The following LIMK2 variants were observed in gnomAD, a reference collection of about 807,000 sequenced individuals.
The protein encoded by LIMK2 is LIM domain kinase 2.
LIMK2 carries 35 observed loss-of-function variants against 75.7 expected under a neutral mutation model. That is an observed-to-expected ratio of 0.46 (90% CI 0.35 to 0.61). The LOEUF is 0.61. LIMK2 is among the 20% of genes least tolerant of loss of function. The pLI is 0.00. For missense variants in LIMK2, 623 were observed against 831.0 expected (o/e 0.75, Z 3.08); for synonymous variants, 301 against 319.2 (o/e 0.94, Z 0.61).
At chr22:31,256,287 G>A (rs1176265064) in intron 2 of LIMK2, among the ~76,000 whole-genome samples, 9 of 149,340 alleles carry the variant, frequency 6.0e-5, no homozygotes, top group South Asian at 2.1e-4. Flanking sequence ...GTGAGCCACC[G>A]CGCCCTGCCT....
chr22:31,241,925 A>G (rs1330850584), intron 2 of LIMK2, among the ~76,000 whole-genome samples: 1 of 152,162 alleles, frequency 6.6e-6, no homozygotes, highest in African/African-American at 2.4e-5. Context: ...ATCCAAGTTT[A>G]TGCTGCTGGG....
chr22:31,212,442 C>T lies in LIMK2; in HGVS notation c.16+18C>T, dbSNP rs1027534475. The T allele has an allele frequency of 3.0e-6, 4 of 1,322,062 alleles. No homozygotes were observed. The highest frequency in any genetic ancestry group is 3.9e-6 in the Non-Finnish European group (4 of 1,025,814). 81.9% of individuals were successfully genotyped at this position (1,322,062 alleles called of 1,614,324 possible). On this transcript the variant is annotated intron_variant, in intron 1 of 15. Transcript: ENST00000331728. ...GCTGGCGGGTAAGGAAGGGCTGCTCCGCCCTGTCCCGCTGTTATCTCCGAA... is the reference window on the plus strand; with the variant it reads ...GCTGGCGGGTAAGGAAGGGCTGCTCTGCCCTGTCCCGCTGTTATCTCCGAA...
Position 31,271,186 on chromosome 22 carries a change from C to T in LIMK2, c.1368C>T (p.Asn456=). ...TCCACCGGGATCTGAACTCGCACAA[C>T]TGCCTCATCAAGTTGGTATGTCCCA... The part of the protein sequence containing the change: ...CIIHRDLNSH[N]CLIKLDKTVV... Residue 456 remains asparagine, a synonymous_variant, in exon 12 of 16, where the codon AAC becomes AAT. Coordinates refer to ENST00000331728, the MANE Select transcript of LIMK2 (RefSeq NM_005569.4). 6.2e-7 allele frequency: 1 copy of T among 1,614,068 alleles called. No homozygotes were observed. The highest frequency in any genetic ancestry group is 8.5e-7 in the Non-Finnish European group (1 of 1,179,932).
At chr22:31,245,432 G>A (rs1284407855) in intron 2 of LIMK2, among the ~76,000 whole-genome samples, 1 of 152,156 alleles carries the variant, frequency 6.6e-6, no homozygotes, top group Non-Finnish European at 1.5e-5. Flanking sequence ...CTCTCGAGTA[G>A]CTGGGATTAC....
intron 2 of LIMK2, among the ~76,000 whole-genome samples, chr22:31,226,944 C>T (rs539131234): frequency 2.0e-5 from 3 of 152,322 alleles, no homozygotes; most frequent in Admixed American, 6.5e-5. Flanking sequence ...AGCTCAGTTT[C>T]TTAAAAATTA....
intron 2 of LIMK2, among the ~76,000 whole-genome samples, chr22:31,255,910 G>T (rs2048773409): frequency 6.9e-6 from 1 of 144,514 alleles, no homozygotes; most frequent in Non-Finnish European, 1.5e-5. Context: ...CTGATAAAGT[G>T]AGCTGCCATT....
chr22:31,219,734 G>T (rs951545755), intron 1 of LIMK2, among the ~76,000 whole-genome samples: 2 of 152,096 alleles, frequency 1.3e-5, no homozygotes, highest in African/African-American at 4.8e-5. Context: ...ACCATGCCCG[G>T]CTAATTTTTT....
Position 31,278,346 on chromosome 22 carries a change from C to G in LIMK2, c.1822C>G (p.Leu608Val). The change falls in exon 16 of 16, where the codon CTG (leucine) becomes GTG (valine). Residue 608 changes from leucine to valine, a missense_variant. Leu to Val is a conservative substitution (Grantham distance 32, BLOSUM62 1). This residue lies in a region of LIMK2 where 46 missense variants were observed against 46.9 expected (regional missense o/e 0.98). Transcript: ENST00000331728. Reference protein sequence around the residue: ...EDSFEALSLYLGELGIPLPAE... With the variant: ...EDSFEALSLYVGELGIPLPAE... ...CTCCTTTGAGGCCCTCTCCCTGTAC[C>G]TGGGGGAGCTGGGCATCCCGCTGCC... 2 of 1,613,952 alleles carry G rather than the reference C, an allele frequency of 1.2e-6. No homozygotes were observed. The highest frequency in any genetic ancestry group is 1.7e-6 in the Non-Finnish European group (2 of 1,179,916).
At position 31,262,271 on chromosome 22, in the gene LIMK2, G is replaced by A. The variant is rs2048848636; in HGVS notation, c.657+32G>A. On this transcript the variant is annotated intron_variant, in intron 6 of 15. Transcript: ENST00000331728. This position sits in a 1 kb window ranked among gnomAD's most constrained non-coding sequence, Gnocchi z 5.0. ...TGTGTGTCTAATCTGTCTTGTGAGG[G>A]TGGGACATGGAACAGATCCTCTGAG... The A allele has an allele frequency of 2.0e-6, 3 of 1,499,808 alleles. No homozygotes were observed. The highest frequency in any genetic ancestry group is 2.3e-5 in the East Asian group (1 of 44,358). The allele number at this position is 1,499,808 out of a possible 1,614,324, so 92.9% of individuals were successfully genotyped here.
chr22:31,262,249 G>A lies in LIMK2; in HGVS notation c.657+10G>A. ...ACTTCGAGTGGAGGAGGTAGAGTGT[G>A]TGTCTAATCTGTCTTGTGAGGGTGG... On this transcript the variant is annotated intron_variant, in intron 6 of 15. Coordinates refer to ENST00000331728, the MANE Select transcript of LIMK2 (RefSeq NM_005569.4). This position sits in a 1 kb window ranked among gnomAD's most constrained non-coding sequence, Gnocchi z 5.0. 2 of 1,589,446 alleles carry A rather than the reference G, an allele frequency of 1.3e-6. No homozygotes were observed. Among genetic ancestry groups the A allele is most frequent in the Non-Finnish European group, 1.7e-6 (2 of 1,157,508 alleles).
Position 31,258,406 on chromosome 22 carries a change from C to T in LIMK2, c.232C>T (p.Leu78=), listed in dbSNP as rs771084358. ...GGAGTTCTGTCATGGGTGCTCCCTGCTGATGACAGGGCCTTTTATGGTGAG... is the reference window on the plus strand; with the variant it reads ...GGAGTTCTGTCATGGGTGCTCCCTGTTGATGACAGGGCCTTTTATGGTGAG... The part of the protein sequence containing the change: ...FGEFCHGCSL[L]MTGPFMVAGE... The change falls in exon 3 of 16, where the codon CTG becomes TTG. Residue 78 remains leucine, a synonymous_variant. Coordinates refer to ENST00000331728, the MANE Select transcript of LIMK2 (RefSeq NM_005569.4). The T allele has an allele frequency of 6.2e-7, 1 of 1,614,112 alleles. No individual in the cohort carries two copies. Among genetic ancestry groups the T allele is most frequent in the South Asian group, 1.1e-5 (1 of 91,070 alleles).
In LIMK2 at chr22:31,268,134, C is replaced by T. The variant is rs1018293810; in HGVS notation, c.1261-10C>T. The T allele has an allele frequency of 3.1e-6, 5 of 1,613,810 alleles. No individual in the cohort carries two copies. Among genetic ancestry groups the T allele is most frequent in the African/African-American group, 1.3e-5 (1 of 75,044 alleles). The stretch of plus-strand genomic sequence containing the variant: ...TCAACAGCCTCTGAAAATCATTCCC[C>T]ATTCTGCAGGATCCGTTCCCCTGGC... On this transcript the variant is annotated splice_polypyrimidine_tract_variant and intron_variant, in intron 10 of 15. Coordinates refer to ENST00000331728, the MANE Select transcript of LIMK2 (RefSeq NM_005569.4).
intron 2 of LIMK2, among the ~76,000 whole-genome samples, chr22:31,256,304 G>A (rs2048780962): frequency 6.8e-6 from 1 of 146,592 alleles, no homozygotes; most frequent in Non-Finnish European, 1.5e-5. Flanking sequence ...GCCTATATTA[G>A]GACTTTTATA....
chr22:31,277,271 C>G (rs924262491), intron 15 of LIMK2: 3 of 1,505,158 alleles, frequency 2.0e-6, no homozygotes, highest in Admixed American at 2.4e-5. Flanking sequence ...TGCCCCTGGC[C>G]CAGGGGTCTC....
At chr22:31,273,646 C>T in intron 14 of LIMK2, 139 bp downstream of exon 14, 1 of 671,194 alleles carries the variant, frequency 1.5e-6, no homozygotes, top group Non-Finnish European at 2.7e-6. Flanking sequence ...GTTTATAACG[C>T]ATCTGCACAT....
chr22:31,231,792 T>G (rs2048530926), intron 2 of LIMK2, among the ~76,000 whole-genome samples: 1 of 152,160 alleles, frequency 6.6e-6, no homozygotes, highest in Non-Finnish European at 1.5e-5. Context: ...TTAGATTATC[T>G]GATTCAATCT....
intron 8 of LIMK2, among the ~76,000 whole-genome samples, chr22:31,266,737 T>G (rs2048899842): frequency 6.6e-6 from 1 of 152,208 alleles, no homozygotes. Flanking sequence ...TCCTGCCTTC[T>G]TCCCCACTTC....
At chr22:31,268,078 C>A in intron 10 of LIMK2, 66 bp from the exon 11 acceptor site, 1 of 1,547,176 alleles carries the variant, frequency 6.5e-7, no homozygotes, top group Non-Finnish European at 8.9e-7. Flanking sequence ...CACATTGACC[C>A]ATGGGGCCTG....
At chr22:31,229,898 A>G (rs1300901300) in intron 2 of LIMK2, among the ~76,000 whole-genome samples, 2 of 152,160 alleles carry the variant, frequency 1.3e-5, no homozygotes, top group Non-Finnish European at 2.9e-5. Context: ...GACAAAACTG[A>G]AAGTAGCTCT....
Sources: gnomAD v4.1 joint callset for allele counts (sites outside exome capture counted in the v4.1 genomes callset) on GRCh38, gnomAD v4.1.1 for gene constraint, gnomAD v4.1.1 regional missense constraint, Gnocchi (gnomAD v3.1) non-coding constraint, MANE v1.5 for transcripts, NCBI Gene and HGNC (gene_info 2026-07-23, HGNC 2026-07-21) for gene names.